Variants in CCSER1 observed in about 807,000 individuals in gnomAD.
CCSER1 encodes the protein serine-rich coiled-coil domain-containing protein 1.
A neutral mutation model predicts 82.0 loss-of-function variants in CCSER1; 41 were observed. The ratio of observed to expected loss-of-function variants is 0.50; its 90% CI spans 0.39 to 0.65. The LOEUF (loss-of-function observed/expected upper bound fraction) is 0.65. Ranked by LOEUF, CCSER1 falls within the 30% of genes least tolerant of loss-of-function variation. The pLI, the probability that CCSER1 is intolerant of heterozygous loss-of-function variation, is 0.00. For synonymous variants in CCSER1, 414 were observed against 383.9 expected, an observed-to-expected ratio of 1.08 and a Z score of -0.92; for missense variants, 1,119 against 1,064.2, an observed-to-expected ratio of 1.05 and a Z score of -0.72.
At chr4:90,923,025 C>A (rs1213166923) in intron 8 of CCSER1, among the ~76,000 whole-genome samples, 1 of 152,024 alleles carries the variant, frequency 6.6e-6, no homozygotes, top group African/African-American at 2.4e-5. Context: ...TGTTCTGAAA[C>A]TGGATCAGCA....
chr4:91,542,902 G>T (rs1248318090), intron 10 of CCSER1, among the ~76,000 whole-genome samples: 1 of 152,126 alleles, frequency 6.6e-6, no homozygotes, highest in Non-Finnish European at 1.5e-5. Flanking sequence ...ACAGTGTGGT[G>T]TTAAAGTCTC....
chr4:90,707,529 T>TA (rs75961345), intron 6 of CCSER1, among the ~76,000 whole-genome samples: 3,521 of 144,704 alleles, frequency 0.024, 44 homozygotes, highest in Non-Finnish European at 0.033. Context: ...ATTTCTACCT[T>TA]AAAAAAAAAA....
chr4:91,473,077 G>A (rs998823411), intron 10 of CCSER1, among the ~76,000 whole-genome samples: 20 of 152,248 alleles, frequency 1.3e-4, no homozygotes, highest in Admixed American at 8.5e-4. Flanking sequence ...TTCCGCCAAT[G>A]CCCAGTATTA....
intron 10 of CCSER1, among the ~76,000 whole-genome samples, chr4:91,515,863 CTTTTTTT>C (rs60522453): frequency 2.2e-5 from 3 of 135,042 alleles, no homozygotes; most frequent in Non-Finnish European, 3.2e-5. Context: ...GCCAGCATCT[CTTTTTTT>C]TTTTTTTTTT....
At position 90,321,558 on chromosome 4, in the gene CCSER1, C is replaced by CT. The variant is rs149843365; in HGVS notation, c.1509+8517dup. Among the ~76,000 whole-genome samples, 1,210 of 152,194 alleles carry CT rather than the reference C, an allele frequency of 8.0e-3. 17 individuals carry two copies. The highest frequency in any genetic ancestry group is 0.025 in the African/African-American group (1,034 of 41,526). On this transcript the variant is annotated intron_variant, in intron 3 of 10. Transcript: ENST00000509176. ...AGATATCTCTTTGATATATTAATTTCTTTTTTCCGAGTGCATACTTAGCAG... is the reference window on the plus strand; with the variant it reads ...AGATATCTCTTTGATATATTAATTTCTTTTTTTCCGAGTGCATACTTAGCAG...
intron 4 of CCSER1, among the ~76,000 whole-genome samples, chr4:90,464,533 G>A (rs893293528): frequency 6.6e-6 from 1 of 152,144 alleles, no homozygotes; most frequent in African/African-American, 2.4e-5. Flanking sequence ...TATTTTCCAG[G>A]TATCCTTGCT....
intron 9 of CCSER1, among the ~76,000 whole-genome samples, chr4:90,988,007 T>C (rs1051775907): frequency 4.0e-5 from 6 of 151,472 alleles, no homozygotes; most frequent in Non-Finnish European, 8.9e-5. Flanking sequence ...ATCCGCAATA[T>C]TGTAAGTTGG....
rs868584401 is a variant in CCSER1, at chr4:90,932,964, A to C, written c.2172+9517A>C. Among the ~76,000 whole-genome samples the C allele has an allele frequency of 6.4e-5, 3 of 46,512 alleles. 1 individual carries two copies. Among genetic ancestry groups the C allele is most frequent in the Non-Finnish European group, 1.1e-4 (3 of 26,306 alleles). The allele number at this position is 46,512 out of a possible 152,430, so 30.5% of individuals were successfully genotyped here. A position where few individuals can be genotyped will look rare whatever the true frequency, so the allele number is the denominator to read the frequency against. On this transcript the variant is annotated intron_variant, in intron 9 of 10. Transcript: ENST00000509176. The stretch of plus-strand genomic sequence containing the variant: ...AAAGAAAGAAAGAAAGAAAGAAAGA[A>C]AGAAAGAAAGAAAGAAAGAGAAAGA...
intron 10 of CCSER1, among the ~76,000 whole-genome samples, chr4:91,518,143 G>T (rs1452463899): frequency 2.6e-5 from 4 of 152,166 alleles, no homozygotes; most frequent in Admixed American, 2.6e-4. Flanking sequence ...GCTCTGGGGT[G>T]ATCTTAGTCT....
intron 10 of CCSER1, among the ~76,000 whole-genome samples, chr4:91,228,730 T>C (rs73836884): frequency 6.6e-6 from 1 of 151,996 alleles, no homozygotes; most frequent in African/African-American, 2.4e-5. Context: ...CACCTTCACC[T>C]CATAGCAAAA....
At chr4:90,719,754 T>C (rs1742341405) in intron 6 of CCSER1, among the ~76,000 whole-genome samples, 1 of 152,190 alleles carries the variant, frequency 6.6e-6, no homozygotes, top group South Asian at 2.1e-4. Context: ...TACATAATGC[T>C]ACCCTTGATC....
chr4:90,577,628 G>A (rs1477823364), intron 5 of CCSER1, among the ~76,000 whole-genome samples: 1 of 151,998 alleles, frequency 6.6e-6, no homozygotes, highest in Non-Finnish European at 1.5e-5. Flanking sequence ...TTGTTGGTAG[G>A]ATGAAGTGAT....
chr4:91,295,488 AT>A (rs1007367499), intron 10 of CCSER1, among the ~76,000 whole-genome samples: 2 of 151,884 alleles, frequency 1.3e-5, no homozygotes, highest in Non-Finnish European at 2.9e-5. Flanking sequence ...ATGGTTATAT[AT>A]TTTTTTCTGA....
At position 91,555,689 on chromosome 4, in the gene CCSER1, A is replaced by G. The variant is rs557862852; in HGVS notation, c.2218-42883A>G. Among the ~76,000 whole-genome samples, 91 of 151,400 alleles carry G rather than the reference A, an allele frequency of 6.0e-4. 3 individuals carry two copies. The highest frequency in any genetic ancestry group is 2.1e-3 in the African/African-American group (86 of 41,358). On this transcript the variant is annotated intron_variant, in intron 10 of 10. Coordinates refer to ENST00000509176, the MANE Select transcript of CCSER1 (RefSeq NM_001145065.2). ...AAGCTAAGACAAAGCCTTATTTGAG[A>G]AAATTTTTATTCATAATGTACCTGT...
intron 8 of CCSER1, among the ~76,000 whole-genome samples, chr4:90,868,725 G>C (rs1397275322): frequency 6.6e-6 from 1 of 151,986 alleles, no homozygotes; most frequent in East Asian, 1.9e-4. Context: ...CCCAGCAGTG[G>C]GATTGCTAGA....
At chr4:91,347,331 C>CTTCA (rs776860723) in intron 10 of CCSER1, among the ~76,000 whole-genome samples, 11 of 152,050 alleles carry the variant, frequency 7.2e-5, no homozygotes, top group Non-Finnish European at 1.6e-4. Flanking sequence ...TTGTCTTTTA[C>CTTCA]TTCATCAACC....
chr4:90,739,812 A>G (rs193243760), intron 7 of CCSER1, among the ~76,000 whole-genome samples: 1 of 152,232 alleles, frequency 6.6e-6, no homozygotes, highest in East Asian at 1.9e-4. Context: ...TTCTCTCTCC[A>G]CGGCAGGTGG....
At chr4:91,184,227 A>G (rs1027787817) in intron 10 of CCSER1, among the ~76,000 whole-genome samples, 4 of 152,232 alleles carry the variant, frequency 2.6e-5, no homozygotes, top group Non-Finnish European at 4.4e-5. Context: ...CTTGGCCCAC[A>G]TACGACTGGC....
In CCSER1 at chr4:91,448,953, G is replaced by C. The variant is rs541926442; in HGVS notation, c.2218-149619G>C. ...ACAAATAAGAGGGAATAAGAATAGT[G>C]ATGGGGTAGGGGGTAGGTATGGTTT... On this transcript the variant is annotated intron_variant, in intron 10 of 10. Transcript: ENST00000509176. 1.1e-4 allele frequency among the ~76,000 whole-genome samples: 17 copies of C among 152,132 alleles called. No homozygotes were observed. In the South Asian group the frequency reaches 3.5e-3, roughly 32 times the overall value.
Sources: gnomAD v4.1 joint callset for allele counts (sites outside exome capture counted in the v4.1 genomes callset) on GRCh38, gnomAD v4.1.1 for gene constraint, MANE v1.5 for transcripts, NCBI Gene and HGNC (gene_info 2026-07-23, HGNC 2026-07-21) for gene names.